Variants in RBFOX1 observed in about 807,000 individuals in gnomAD.
RBFOX1 encodes the protein RNA binding fox-1 homolog 1, also known as RNA binding protein fox-1 homolog 1.
RBFOX1 carries 8 observed loss-of-function variants against 57.7 expected under a neutral mutation model. The ratio of observed to expected loss-of-function variants is 0.14; its 90% confidence interval spans 0.08 to 0.25. RBFOX1 has a LOEUF of 0.25. Among genes scored for constraint, RBFOX1 ranks in the 10% least tolerant of loss-of-function variants. The pLI, the probability that RBFOX1 is intolerant of heterozygous loss-of-function variation, is 1.00. For synonymous variants in RBFOX1, 326 were observed against 222.4 expected, an observed-to-expected ratio of 1.47 and a Z score of -4.15; for missense variants, 611 against 548.5, an observed-to-expected ratio of 1.11 and a Z score of -1.14.
At chr16:5,414,944 T>G (rs768543034) in intron 1 of RBFOX1, among the ~76,000 whole-genome samples, 10 of 152,148 alleles carry the variant, frequency 6.6e-5, no homozygotes, top group Non-Finnish European at 1.5e-4. Flanking sequence ...TTTTTACCCT[T>G]GGTGGAGGCT....
intron 2 of RBFOX1, among the ~76,000 whole-genome samples, chr16:6,526,469 G>A (rs187052434): frequency 2.0e-5 from 3 of 152,160 alleles, no homozygotes; most frequent in East Asian, 3.9e-4. Context: ...TCATGCTACA[G>A]CAATACTTGT....
rs145983671 is a variant in RBFOX1 at position 6,617,948 on chromosome 16, G to C, written c.-63-36655G>C. On this transcript the variant is annotated intron_variant, in intron 2 of 15. Transcript: ENST00000550418. ...ACTTTTCAAACATGGAGGTGGTGTT[G>C]GTGCATGCTGGTGTCTTGCAAGTGC... Among the ~76,000 whole-genome samples, 5 of 152,240 alleles carry C rather than the reference G, an allele frequency of 3.3e-5. No homozygotes were observed. The East Asian group carries it at 9.7e-4, about 29-fold the overall frequency.
intron 1 of RBFOX1, among the ~76,000 whole-genome samples, chr16:5,375,920 A>G (rs573522713): frequency 6.6e-6 from 1 of 152,336 alleles, no homozygotes; most frequent in South Asian, 2.1e-4. Flanking sequence ...TAATCCCAGC[A>G]CTTTGGGAGG....
At chr16:6,889,739 G>A (rs576211713) in intron 3 of RBFOX1, among the ~76,000 whole-genome samples, 14 of 152,236 alleles carry the variant, frequency 9.2e-5, no homozygotes, top group Admixed American at 2.6e-4. Flanking sequence ...GTGTAATCTT[G>A]GAATAGACCC....
chr16:5,438,510 A>G (rs1349194848), intron 1 of RBFOX1, among the ~76,000 whole-genome samples: 1 of 152,116 alleles, frequency 6.6e-6, no homozygotes, highest in East Asian at 1.9e-4. Flanking sequence ...AGTTATCCTG[A>G]TCTCACCAGA....
At chr16:5,559,165 CAAAAAAAAA>C (rs35531242) in intron 2 of RBFOX1, among the ~76,000 whole-genome samples, 11 of 65,384 alleles carry the variant, frequency 1.7e-4, no homozygotes, top group African/African-American at 1.3e-4. Flanking sequence ...CCCCCCCAGG[CAAAAAAAAA>C]AAAAAAAAAA....
At chr16:5,612,983 A>T (rs9936669) in intron 3 of RBFOX1, among the ~76,000 whole-genome samples, 114,545 of 152,112 alleles carry the variant, frequency 0.75, 43,289 homozygotes, top group East Asian at 0.85. Flanking sequence ...CTGACCAGCA[A>T]GGTAGAATGG....
At chr16:5,844,083 G>C (rs1304207604) in intron 3 of RBFOX1, among the ~76,000 whole-genome samples, 3 of 152,168 alleles carry the variant, frequency 2.0e-5, no homozygotes, top group Non-Finnish European at 4.4e-5. Flanking sequence ...GTCTAGTGAT[G>C]GTTTGTTTTG....
chr16:5,879,667 C>G (rs2057713855), intron 4 of RBFOX1, among the ~76,000 whole-genome samples: 2 of 152,182 alleles, frequency 1.3e-5, no homozygotes, highest in Admixed American at 1.3e-4. Context: ...TCAGGAGAGG[C>G]TAAGCTATGC....
intron 2 of RBFOX1, among the ~76,000 whole-genome samples, chr16:6,451,289 A>G (rs2094616749): frequency 6.6e-6 from 1 of 152,140 alleles, no homozygotes; most frequent in East Asian, 1.9e-4. Context: ...ACAACTAATA[A>G]TTATGGAAGT....
intron 2 of RBFOX1, among the ~76,000 whole-genome samples, chr16:5,500,920 A>G (rs544569266): frequency 6.6e-6 from 1 of 152,330 alleles, no homozygotes; most frequent in South Asian, 2.1e-4. Context: ...AGGACAAGGA[A>G]TTATGGCTGG....
At chr16:6,707,905 C>A (rs2063052008) in intron 3 of RBFOX1, among the ~76,000 whole-genome samples, 1 of 152,116 alleles carries the variant, frequency 6.6e-6, no homozygotes, top group Admixed American at 6.5e-5. Flanking sequence ...GAGAGAGGGA[C>A]TTAGGGGAAG....
At chr16:6,759,405 C>T (rs1257383690) in intron 3 of RBFOX1, among the ~76,000 whole-genome samples, 1 of 151,716 alleles carries the variant, frequency 6.6e-6, no homozygotes, top group African/African-American at 2.4e-5. Flanking sequence ...CCTGCCTCAG[C>T]CTCCCATAGT....
At position 7,339,578 on chromosome 16, in the gene RBFOX1, C is replaced by T. The variant is rs975801209; in HGVS notation, c.28-178569C>T. On this transcript the variant is annotated intron_variant, in intron 4 of 15. Transcript: ENST00000550418. ...CTTCAGCCTCCTGAGTATCTGGGAC[C>T]GTGGGCATGCACCACCACAACCAGC... 2.0e-4 allele frequency among the ~76,000 whole-genome samples: 30 copies of T among 152,058 alleles called. 1 individual carries two copies. Among genetic ancestry groups the T allele is most frequent in the African/African-American group, 7.2e-4 (30 of 41,426 alleles).
At chr16:7,497,792 C>T (rs2069179250) in intron 4 of RBFOX1, among the ~76,000 whole-genome samples, 1 of 152,206 alleles carries the variant, frequency 6.6e-6, no homozygotes, top group African/African-American at 2.4e-5. Context: ...AGATCTAACT[C>T]AGAATGTCTA....
chr16:7,068,316 A>G (rs2056592035), intron 4 of RBFOX1, among the ~76,000 whole-genome samples: 1 of 152,178 alleles, frequency 6.6e-6, no homozygotes, highest in African/African-American at 2.4e-5. Flanking sequence ...GTATTCAAAC[A>G]CTGCAGACAT....
chr16:6,971,389 T>G (rs1568153382), intron 3 of RBFOX1, among the ~76,000 whole-genome samples: 1 of 152,014 alleles, frequency 6.6e-6, no homozygotes, highest in African/African-American at 2.4e-5. Flanking sequence ...GGAGTGTGTT[T>G]GCTTGTTTGG....
rs182778344 is a variant in RBFOX1 at position 6,502,943 on chromosome 16, C to T, written c.-63-151660C>T. On this transcript the variant is annotated intron_variant, in intron 2 of 15. Transcript: ENST00000550418. Reference sequence around the variant, plus strand: ...GTAGCCACTTAAAGGATGAAGTAGGCCTTAATCTGATATTATGGAAAGAAG... The same window carrying T: ...GTAGCCACTTAAAGGATGAAGTAGGTCTTAATCTGATATTATGGAAAGAAG... Among the ~76,000 whole-genome samples the T allele has an allele frequency of 1.7e-3, 252 of 152,008 alleles. 1 individual carries two copies. In the Middle Eastern group the frequency reaches 0.031, roughly 18 times the overall value.
At chr16:6,587,018 G>C (rs188092419) in intron 2 of RBFOX1, among the ~76,000 whole-genome samples, 4 of 152,228 alleles carry the variant, frequency 2.6e-5, no homozygotes, top group East Asian at 3.9e-4. Context: ...TATTGTGTGT[G>C]TGTGTGTGTG....
Sources: allele counts gnomAD v4.1 joint callset (sites outside exome capture counted in the v4.1 genomes callset), GRCh38; gene constraint gnomAD v4.1.1; transcripts MANE v1.5; gene names NCBI Gene and HGNC (gene_info 2026-07-23, HGNC 2026-07-21).